The following TMEM154 variants were observed in gnomAD, a reference collection of about 807,000 sequenced individuals.
TMEM154 encodes the protein transmembrane protein 154.
A neutral mutation model predicts 24.5 loss-of-function variants in TMEM154; 27 were observed. The observed-to-expected ratio is 1.10, with a 90% CI of 0.81 to 1.52. The LOEUF is 1.52. Among genes scored for constraint, TMEM154 ranks in the 40% most tolerant of loss-of-function variants. The pLI is 0.00. For missense variants in TMEM154, 228 were observed against 213.4 expected (o/e 1.07, Z -0.43); for synonymous variants, 67 against 76.8 (o/e 0.87, Z 0.67).
intron 6 of TMEM154, among the ~76,000 whole-genome samples, chr4:152,639,131 A>T (rs1320746635): frequency 2.6e-5 from 4 of 152,050 alleles, no homozygotes; most frequent in Non-Finnish European, 4.4e-5. Flanking sequence ...TTGTATTTTT[A>T]GTAGAGATGG....
intron 1 of TMEM154, among the ~76,000 whole-genome samples, chr4:152,660,382 C>CCCG (rs1728578837): frequency 6.6e-6 from 1 of 151,232 alleles, no homozygotes; most frequent in African/African-American, 2.5e-5. Flanking sequence ...CCCCGCCCCC[C>CCCG]CCTCACTTTA....
In TMEM154 at chr4:152,652,681, T is replaced by C. The variant is rs1263773519; in HGVS notation, c.311A>G (p.Lys104Arg). 1.9e-6 allele frequency: 3 copies of C among 1,613,278 alleles called. No individual in the cohort carries two copies. The highest frequency in any genetic ancestry group is 1.7e-6 in the Non-Finnish European group (2 of 1,179,792). The change falls in exon 2 of 7, where the codon AAA becomes AGA. Residue 104 changes from lysine (K) to arginine (R), a missense_variant. Physicochemically the swap from Lys to Arg is conservative, Grantham distance 26 (BLOSUM62 2). Transcript: ENST00000304385. ...VVFLATYYKR[K>R]RTKQEPSSQG... ...CAAATATTTACCTTGTTTAGTTCTT[T>C]TTCTTTTATAGTATGTTGCAAGGAA...
chr4:152,646,879 G>T (rs1182967846), intron 3 of TMEM154: 2 of 696,796 alleles, frequency 2.9e-6, no homozygotes, highest in East Asian at 2.7e-5. Context: ...AGTAAGCCAG[G>T]CATCATGTAG....
intron 3 of TMEM154, chr4:152,646,694 C>G (rs1007910009): frequency 9.7e-6 from 4 of 411,320 alleles, no homozygotes; most frequent in South Asian, 4.6e-5. Flanking sequence ...CTACTTCCCC[C>G]CCACTTAGCC....
intron 1 of TMEM154, among the ~76,000 whole-genome samples, chr4:152,658,177 C>T (rs564690876): frequency 6.6e-6 from 1 of 152,194 alleles, no homozygotes; most frequent in African/African-American, 2.4e-5. Flanking sequence ...TAACATGCTC[C>T]TGAATGACCA....
chr4:152,644,813 A>C lies in TMEM154; in HGVS notation c.365-371T>G, dbSNP rs536233033. Among the ~76,000 whole-genome samples, 8 of 152,288 alleles carry C rather than the reference A, an allele frequency of 5.3e-5. No individual in the cohort carries two copies. The South Asian group carries it at 1.7e-3, about 32-fold the overall frequency. On this transcript the variant is annotated intron_variant, in intron 3 of 6. Transcript: ENST00000304385. Reference sequence around the variant, plus strand: ...CCTTCAGTAAAATGTCCCAGATCTAAAGGCTGCTGCTTCATCTCCTGTGAT... The same window carrying C: ...CCTTCAGTAAAATGTCCCAGATCTACAGGCTGCTGCTTCATCTCCTGTGAT...
chr4:152,661,612 G>T (rs1298764977), intron 1 of TMEM154, among the ~76,000 whole-genome samples: 1 of 152,036 alleles, frequency 6.6e-6, no homozygotes. Flanking sequence ...TGAGGGTCTG[G>T]TCATAGCTCT....
At chr4:152,665,018 T>C (rs1276590921) in intron 1 of TMEM154, among the ~76,000 whole-genome samples, 1 of 152,168 alleles carries the variant, frequency 6.6e-6, no homozygotes, top group Admixed American at 6.5e-5. Context: ...AGTCTGCCCA[T>C]AGAATCACTG....
intron 3 of TMEM154, among the ~76,000 whole-genome samples, chr4:152,651,639 T>A (rs765605578): frequency 2.6e-5 from 4 of 152,264 alleles, no homozygotes; most frequent in African/African-American, 9.6e-5. Context: ...TGGTTTGATC[T>A]TCTACCCAGA....
At chr4:152,630,276 C>T (rs995435404) in intron 6 of TMEM154, among the ~76,000 whole-genome samples, 11 of 136,616 alleles carry the variant, frequency 8.1e-5, no homozygotes, top group Non-Finnish European at 1.4e-4. Flanking sequence ...TGTGCCACTG[C>T]ACTCCAGCCT....
rs749415140 is a variant in TMEM154 at position 152,644,458 on chromosome 4, C to T, written c.365-16G>A. 3.1e-6 allele frequency: 5 copies of T among 1,613,674 alleles called. No individual in the cohort carries two copies. In the African/African-American group the frequency reaches 6.7e-5, roughly 22 times the overall value. On this transcript the variant is annotated splice_polypyrimidine_tract_variant and intron_variant, in intron 3 of 6. Coordinates refer to ENST00000304385, the MANE Select transcript of TMEM154 (RefSeq NM_152680.3). ...CCCAGTTCATCTAAAAGGAAATGAACATAAAGGTCATGTTAGCTTTGTTCT... is the reference window on the plus strand; with the variant it reads ...CCCAGTTCATCTAAAAGGAAATGAATATAAAGGTCATGTTAGCTTTGTTCT...
chr4:152,646,092 C>T (rs1242194644), intron 3 of TMEM154, among the ~76,000 whole-genome samples: 1 of 152,046 alleles, frequency 6.6e-6, no homozygotes, highest in Non-Finnish European at 1.5e-5. Context: ...ACCCGTAAAG[C>T]TCCTCCTGTT....
chr4:152,649,030 C>A (rs1282444758), intron 3 of TMEM154, among the ~76,000 whole-genome samples: 1 of 152,200 alleles, frequency 6.6e-6, no homozygotes, highest in Non-Finnish European at 1.5e-5. Context: ...ATTATATGGG[C>A]CTCTGCCATG....
At chr4:152,677,813 A>G (rs1418987527) in intron 1 of TMEM154, among the ~76,000 whole-genome samples, 1 of 152,142 alleles carries the variant, frequency 6.6e-6, no homozygotes, top group East Asian at 1.9e-4. Flanking sequence ...GATGATTTTC[A>G]TATTTATCAA....
chr4:152,679,624 G>A (rs1729020450), intron 1 of TMEM154, among the ~76,000 whole-genome samples: 1 of 152,112 alleles, frequency 6.6e-6, no homozygotes, highest in South Asian at 2.1e-4. Flanking sequence ...ACACTTCCTG[G>A]AAGACAAAGA....
rs531137130 is a variant in TMEM154, at chr4:152,637,284, G to A, written c.536+3644C>T. On this transcript the variant is annotated intron_variant, in intron 6 of 6. Transcript: ENST00000304385. ...GCTACTGCCGGGTGCGGTGTCTCACGCCTGTAATCCCAGCGCTTTGGGAGG... is the reference window on the plus strand; with the variant it reads ...GCTACTGCCGGGTGCGGTGTCTCACACCTGTAATCCCAGCGCTTTGGGAGG... Among the ~76,000 whole-genome samples, 8 of 152,196 alleles carry A rather than the reference G, an allele frequency of 5.3e-5. No homozygotes were observed. In the South Asian group the frequency reaches 1.4e-3, roughly 28 times the overall value.
At chr4:152,667,732 C>A (rs747702650) in intron 1 of TMEM154, among the ~76,000 whole-genome samples, 1 of 152,200 alleles carries the variant, frequency 6.6e-6, no homozygotes, top group Admixed American at 6.5e-5. Flanking sequence ...TCAAGCAATG[C>A]CTGTGTTTTG....
intron 4 of TMEM154, among the ~76,000 whole-genome samples, chr4:152,644,035 A>G (rs551370287): frequency 6.6e-6 from 1 of 152,146 alleles, no homozygotes; most frequent in East Asian, 1.9e-4. Context: ...GCTCCCTGCT[A>G]AATACCAGCT....
At position 152,623,279 on chromosome 4, in the gene TMEM154, T is replaced by A. The variant is rs74733270; in HGVS notation, c.*5267A>T. 1 of 144,734 alleles carries A rather than the reference T, an allele frequency of 6.9e-6. No homozygotes were observed. Among genetic ancestry groups the A allele is most frequent in the Non-Finnish European group, 1.5e-5 (1 of 65,480 alleles). The allele number at this position is 144,734 out of a possible 1,614,324, so 9.0% of individuals were successfully genotyped here. On this transcript the variant is annotated 3_prime_UTR_variant, in exon 7 of 7. Coordinates refer to ENST00000304385, the MANE Select transcript of TMEM154 (RefSeq NM_152680.3). ...AAACAAAAGAAAGTCAAACACAGTG[T>A]TTTTTTTTTTTACATAATTTTCAGT...
Sources: allele counts gnomAD v4.1 joint callset (sites outside exome capture counted in the v4.1 genomes callset), GRCh38; gene constraint gnomAD v4.1.1; transcripts MANE v1.5; gene names NCBI Gene and HGNC (gene_info 2026-07-23, HGNC 2026-07-21).